The following SEMA3C variants were observed in gnomAD, a reference collection of about 807,000 sequenced individuals.
SEMA3C encodes semaphorin 3C, also known as semaphorin-3C.
SEMA3C carries 47 observed loss-of-function variants against 89.4 expected under a neutral mutation model. The ratio of observed to expected loss-of-function variants is 0.53; its 90% CI spans 0.42 to 0.67. SEMA3C has a LOEUF of 0.67. SEMA3C is among the 30% of genes least tolerant of loss of function. The probability of loss-of-function intolerance (pLI) is 0.00; values close to 1 mark genes in which losing one functional copy is unlikely to be tolerated. For synonymous variants in SEMA3C, 310 were observed against 320.2 expected, an observed-to-expected ratio of 0.97 and a Z score of 0.34; for missense variants, 839 against 929.1, an observed-to-expected ratio of 0.90 and a Z score of 1.26.
At chr7:80,764,935 G>GA in intron 13 of SEMA3C, among the ~76,000 whole-genome samples, 1 of 152,054 alleles carries the variant, frequency 6.6e-6, no homozygotes, top group Non-Finnish European at 1.5e-5. Context: ...AAAACAGAAA[G>GA]AATCCTTTTA....
chr7:80,868,349 C>T (rs1583960518), intron 2 of SEMA3C, among the ~76,000 whole-genome samples: 1 of 152,240 alleles, frequency 6.6e-6, no homozygotes, highest in East Asian at 1.9e-4. Flanking sequence ...CTCACTGCAA[C>T]CTCCACCTCC....
Position 80,765,211 on chromosome 7 carries a change from G to C in SEMA3C, c.1387C>G (p.Pro463Ala), listed in dbSNP as rs917670432. Residue 463 changes from proline (P) to alanine (A), a missense_variant, in exon 13 of 18, where the codon CCT (proline) becomes GCT (alanine). Coordinates refer to ENST00000265361, the MANE Select transcript of SEMA3C (RefSeq NM_006379.5). Reference protein sequence around the residue: ...RGTVQKVVVLPTNNSVSGELI... With the variant: ...RGTVQKVVVLATNNSVSGELI... ...TCGCCACTGACAGAGTTGTTAGTAG[G>C]AAGAACAACCACTTTTTGCACAGTA... 3 of 1,613,452 alleles carry C rather than the reference G, an allele frequency of 1.9e-6. No individual in the cohort carries two copies.
At chr7:80,758,191 CTA>C (rs1279210108) in intron 15 of SEMA3C, 138 bp downstream of exon 15, 8 of 860,266 alleles carry the variant, frequency 9.3e-6, no homozygotes, top group Non-Finnish European at 1.4e-5. Flanking sequence ...CATTCAAAGA[CTA>C]TGTGTGGTGT....
At chr7:80,851,824 C>T (rs755258054) in intron 2 of SEMA3C, among the ~76,000 whole-genome samples, 5 of 151,888 alleles carry the variant, frequency 3.3e-5, no homozygotes, top group Non-Finnish European at 5.9e-5. Flanking sequence ...CTAGTAAAAA[C>T]AAATTGAAAT....
chr7:80,835,985 T>C (rs1014838619), intron 2 of SEMA3C, among the ~76,000 whole-genome samples: 3 of 152,222 alleles, frequency 2.0e-5, no homozygotes, highest in Non-Finnish European at 4.4e-5. Context: ...GCTTTTCTAA[T>C]CAGACTGACA....
intron 2 of SEMA3C, among the ~76,000 whole-genome samples, chr7:80,888,655 T>A (rs1791539890): frequency 6.6e-6 from 1 of 152,120 alleles, no homozygotes. Flanking sequence ...GAATTTTCAT[T>A]TATGTCATTA....
chr7:80,753,208 A>C (rs1200769220), intron 15 of SEMA3C, among the ~76,000 whole-genome samples: 2 of 152,186 alleles, frequency 1.3e-5, no homozygotes, highest in African/African-American at 4.8e-5. Flanking sequence ...AGTGTTAGCC[A>C]CTTTCATCTC....
At chr7:80,746,374 A>G (rs1341289065) in intron 17 of SEMA3C, among the ~76,000 whole-genome samples, 1 of 152,158 alleles carries the variant, frequency 6.6e-6, no homozygotes, top group Admixed American at 6.6e-5. Context: ...GACATTAATT[A>G]ATTTTACTAA....
chr7:80,793,917 T>C (rs1789002252), intron 11 of SEMA3C, among the ~76,000 whole-genome samples: 1 of 151,040 alleles, frequency 6.6e-6, no homozygotes, highest in African/African-American at 2.4e-5. Context: ...TTGGTGGCAC[T>C]CTAGAATCTA....
At chr7:80,910,759 C>T (rs1488825767) in intron 2 of SEMA3C, among the ~76,000 whole-genome samples, 3 of 148,006 alleles carry the variant, frequency 2.0e-5, no homozygotes, top group East Asian at 2.0e-4. Context: ...TTTTTTACAA[C>T]CTCCTTATAT....
At chr7:80,861,952 A>G (rs1211348812) in intron 2 of SEMA3C, among the ~76,000 whole-genome samples, 5 of 152,200 alleles carry the variant, frequency 3.3e-5, no homozygotes, top group Non-Finnish European at 7.3e-5. Context: ...TCAATATAAT[A>G]AAAGTCATTT....
chr7:80,851,308 C>A (rs1790505814), intron 2 of SEMA3C, among the ~76,000 whole-genome samples: 1 of 151,764 alleles, frequency 6.6e-6, no homozygotes, highest in South Asian at 2.1e-4. Context: ...AGATCGAGAC[C>A]AGCCTGACCA....
chr7:80,807,667 G>A (rs1197677583), intron 6 of SEMA3C, among the ~76,000 whole-genome samples: 1 of 152,108 alleles, frequency 6.6e-6, no homozygotes, highest in African/African-American at 2.4e-5. Flanking sequence ...ATCTGACTTC[G>A]TTGTTGCCTA....
chr7:80,896,802 A>G (rs577084673), intron 2 of SEMA3C, among the ~76,000 whole-genome samples: 26 of 152,268 alleles, frequency 1.7e-4, no homozygotes, highest in Admixed American at 6.5e-4. Flanking sequence ...CTTTTCTAGA[A>G]GCCCCTTCAA....
At chr7:80,754,101 C>T (rs564431530) in intron 15 of SEMA3C, among the ~76,000 whole-genome samples, 4 of 152,258 alleles carry the variant, frequency 2.6e-5, no homozygotes, top group African/African-American at 9.6e-5. Context: ...CCATGCCCGG[C>T]TAATTTTGTA....
chr7:80,773,331 A>G (rs1788475912), intron 12 of SEMA3C, among the ~76,000 whole-genome samples: 1 of 152,200 alleles, frequency 6.6e-6, no homozygotes, highest in Non-Finnish European at 1.5e-5. Context: ...AATGATCTTC[A>G]GCAAAATGAA....
chr7:80,810,994 T>C (rs1326132512), intron 5 of SEMA3C, among the ~76,000 whole-genome samples: 1 of 152,164 alleles, frequency 6.6e-6, no homozygotes, highest in East Asian at 1.9e-4. Flanking sequence ...AACCAAGTAT[T>C]ATTATAAATC....
At chr7:80,890,819 G>A (rs1253364980) in intron 2 of SEMA3C, among the ~76,000 whole-genome samples, 1 of 152,164 alleles carries the variant, frequency 6.6e-6, no homozygotes, top group African/African-American at 2.4e-5. Context: ...CAAATGTGCT[G>A]TGCCTTAAAC....
intron 10 of SEMA3C, 142 bp downstream of exon 10, chr7:80,800,615 G>A (rs1789179117): frequency 3.9e-6 from 2 of 510,846 alleles, no homozygotes; most frequent in Non-Finnish European, 6.9e-6. Context: ...TGGTAATCAG[G>A]CAAAAGTAAA....
Sources: allele counts gnomAD v4.1 joint callset (sites outside exome capture counted in the v4.1 genomes callset), GRCh38; gene constraint gnomAD v4.1.1; transcripts MANE v1.5; gene names NCBI Gene and HGNC (gene_info 2026-07-23, HGNC 2026-07-21).